RALGAPA2: variants seen among roughly 807,000 people sequenced by gnomAD.
RALGAPA2 encodes the protein ral GTPase-activating protein subunit alpha-2.
Under a neutral mutation model 230.4 loss-of-function variants are expected in RALGAPA2, and 139 were observed. The ratio of observed to expected loss-of-function variants is 0.60; its 90% confidence interval spans 0.53 to 0.69. RALGAPA2 has a LOEUF of 0.69. Among genes scored for constraint, RALGAPA2 ranks in the 30% least tolerant of loss-of-function variants. RALGAPA2 has a pLI of 0.00. For synonymous variants in RALGAPA2, 847 were observed against 837.8 expected (o/e 1.01, Z -0.19); for missense variants, 2,163 against 2,276.0 (o/e 0.95, Z 1.01).
intron 39 of RALGAPA2, 99 bp downstream of exon 39, chr20:20,396,596 C>G: frequency 1.7e-6 from 2 of 1,159,926 alleles, no homozygotes; most frequent in Non-Finnish European, 2.4e-6. Flanking sequence ...GCGAGGAGCA[C>G]TGATGCAGGG....
chr20:20,439,069 C>T (rs2060677076), intron 37 of RALGAPA2, among the ~76,000 whole-genome samples: 1 of 152,032 alleles, frequency 6.6e-6, no homozygotes, highest in Non-Finnish European at 1.5e-5. Context: ...ATCTCTTTTC[C>T]CAGGCATGGA....
intron 33 of RALGAPA2, among the ~76,000 whole-genome samples, chr20:20,510,873 G>A (rs947910237): frequency 2.6e-5 from 4 of 152,206 alleles, no homozygotes; most frequent in Non-Finnish European, 4.4e-5. Context: ...CATGGATTCT[G>A]AAGTCAGACT....
At chr20:20,629,930 A>C (rs2066615503) in intron 9 of RALGAPA2, among the ~76,000 whole-genome samples, 1 of 152,230 alleles carries the variant, frequency 6.6e-6, no homozygotes, top group Non-Finnish European at 1.5e-5. Context: ...TTATCATCAC[A>C]TCAGGTCTCT....
At chr20:20,406,247 A>T (rs941773195) in intron 38 of RALGAPA2, among the ~76,000 whole-genome samples, 1 of 152,134 alleles carries the variant, frequency 6.6e-6, no homozygotes. Flanking sequence ...GGACTCAAGC[A>T]TCGGTATCTT....
intron 27 of RALGAPA2, among the ~76,000 whole-genome samples, chr20:20,528,958 C>G (rs943583056): frequency 1.3e-5 from 2 of 152,132 alleles, no homozygotes; most frequent in African/African-American, 2.4e-5. Context: ...GTCCCCTGTT[C>G]TCATAGTGGT....
chr20:20,511,427 C>T (rs1013336382), intron 32 of RALGAPA2, 102 bp from the exon 33 acceptor site: 3 of 1,434,206 alleles, frequency 2.1e-6, no homozygotes, highest in African/African-American at 2.9e-5. Context: ...CCATCCTCTA[C>T]CACCTCACTC....
intron 36 of RALGAPA2, among the ~76,000 whole-genome samples, chr20:20,481,505 T>TA (rs776541600): frequency 1.7e-4 from 26 of 152,214 alleles, no homozygotes; most frequent in Non-Finnish European, 3.8e-4. Flanking sequence ...TTCATTCTGC[T>TA]AAAAAACTGC....
intron 34 of RALGAPA2, chr20:20,505,138 G>C: frequency 1.0e-6 from 1 of 985,286 alleles, no homozygotes. Flanking sequence ...ACTACAAACT[G>C]TCTATGTCTG....
intron 12 of RALGAPA2, among the ~76,000 whole-genome samples, chr20:20,617,929 A>G (rs1404623945): frequency 6.6e-6 from 1 of 152,232 alleles, no homozygotes; most frequent in South Asian, 2.1e-4. Context: ...AATAAAATAG[A>G]AATTGTTTTT....
At chr20:20,562,810 T>G (rs2064297641) in intron 23 of RALGAPA2, among the ~76,000 whole-genome samples, 2 of 152,220 alleles carry the variant, frequency 1.3e-5, no homozygotes, top group Admixed American at 6.5e-5. Context: ...GTCTACAGAT[T>G]AATGAAAATA....
At chr20:20,639,068 C>T (rs969837651) in intron 7 of RALGAPA2, among the ~76,000 whole-genome samples, 5 of 152,136 alleles carry the variant, frequency 3.3e-5, no homozygotes, top group African/African-American at 2.4e-5. Flanking sequence ...CCCTAGAACC[C>T]TTGTGGTTTG....
intron 15 of RALGAPA2, among the ~76,000 whole-genome samples, chr20:20,604,741 A>C (rs548403754): frequency 7.6e-4 from 112 of 147,558 alleles, no homozygotes; most frequent in Non-Finnish European, 1.3e-3. Flanking sequence ...ACTGTATTTT[A>C]TGTGTGACCT....
chr20:20,529,606 C>T (rs1181355447), intron 27 of RALGAPA2, among the ~76,000 whole-genome samples: 3 of 152,162 alleles, frequency 2.0e-5, no homozygotes, highest in African/African-American at 7.2e-5. Context: ...GACATGTTTA[C>T]TCAAGTACTT....
chr20:20,511,348 G>A, intron 32 of RALGAPA2, 23 bp from the exon 33 acceptor site: 2 of 1,535,208 alleles, frequency 1.3e-6, no homozygotes, highest in Admixed American at 4.3e-5. Flanking sequence ...AAGGATGGAA[G>A]AAAAACCATG....
At chr20:20,436,299 A>C (rs975492158) in intron 37 of RALGAPA2, among the ~76,000 whole-genome samples, 1 of 152,198 alleles carries the variant, frequency 6.6e-6, no homozygotes, top group Admixed American at 6.5e-5. Flanking sequence ...CCATGTTCCA[A>C]GTAAATCAGA....
At chr20:20,632,785 G>T (rs1010885159) in intron 9 of RALGAPA2, among the ~76,000 whole-genome samples, 7 of 152,148 alleles carry the variant, frequency 4.6e-5, no homozygotes, top group African/African-American at 1.7e-4. Flanking sequence ...TCTATGAGCT[G>T]CCCTTTCATC....
At chr20:20,435,029 G>A (rs977764845) in intron 37 of RALGAPA2, among the ~76,000 whole-genome samples, 1 of 152,248 alleles carries the variant, frequency 6.6e-6, no homozygotes, top group Non-Finnish European at 1.5e-5. Flanking sequence ...ATGCCCAGAA[G>A]CTGACGGGAC....
chr20:20,538,125 A>T (rs533974903), intron 24 of RALGAPA2, among the ~76,000 whole-genome samples: 1 of 152,306 alleles, frequency 6.6e-6, no homozygotes, highest in South Asian at 2.1e-4. Context: ...CAATTCAGTG[A>T]AGCACCTGCT....
Position 20,712,600 on chromosome 20 carries a change from T to TGCTGCCGCTGCTGCC in RALGAPA2, c.-121_-120insGGCAGCAGCGGCAGC. On this transcript the variant is annotated 5_prime_UTR_variant, in exon 1 of 40. Coordinates refer to ENST00000202677, the MANE Select transcript of RALGAPA2 (RefSeq NM_020343.4). This position sits in a 1 kb window ranked among gnomAD's most constrained non-coding sequence, Gnocchi z 5.5. ...GGCCACTCGCCGCCCCCAGCCCCGC[T>TGCTGCCGCTGCTGCC]GCTGCCGCCGCCGCCGCCGCCGCCG... The TGCTGCCGCTGCTGCC allele has an allele frequency of 8.6e-7, 1 of 1,161,768 alleles. No homozygotes were observed. The highest frequency in any genetic ancestry group is 1.1e-6 in the Non-Finnish European group (1 of 925,778). 72.0% of individuals were successfully genotyped at this position (1,161,768 alleles called of 1,614,324 possible). A position where few individuals can be genotyped will look rare whatever the true frequency, so the allele number is the denominator to read the frequency against.
Sources: gnomAD v4.1 joint callset for allele counts (sites outside exome capture counted in the v4.1 genomes callset) on GRCh38, gnomAD v4.1.1 for gene constraint, Gnocchi (gnomAD v3.1) non-coding constraint, MANE v1.5 for transcripts, NCBI Gene and HGNC (gene_info 2026-07-23, HGNC 2026-07-21) for gene names.